Variants in BCAS3 observed in about 807,000 individuals in gnomAD.
BCAS3 encodes the protein BCAS4/BCAS3 fusion.
Under a neutral mutation model 116.1 loss-of-function variants are expected in BCAS3, and 53 were observed. The observed-to-expected ratio is 0.46, with a 90% CI of 0.37 to 0.57. BCAS3 has a LOEUF of 0.57. Ranked by LOEUF, BCAS3 falls within the 20% of genes least tolerant of loss-of-function variation. BCAS3 has a pLI of 0.00. For synonymous variants in BCAS3, 391 were observed against 408.2 expected (o/e 0.96, Z 0.51); for missense variants, 917 against 1,165.4 (o/e 0.79, Z 3.10).
intron 9 of BCAS3, among the ~76,000 whole-genome samples, chr17:60,876,710 G>C (rs1260234147): frequency 6.6e-6 from 1 of 151,976 alleles, no homozygotes; most frequent in Non-Finnish European, 1.5e-5. Context: ...CACCGTTTTG[G>C]AATGCTTTTG....
At chr17:61,109,608 A>G (rs1217817301) in intron 22 of BCAS3, among the ~76,000 whole-genome samples, 1 of 152,146 alleles carries the variant, frequency 6.6e-6, no homozygotes, top group East Asian at 1.9e-4. Context: ...GCCAACATCT[A>G]TTATTTTTTA....
chr17:61,373,676 G>C (rs552452200), intron 23 of BCAS3, among the ~76,000 whole-genome samples: 14 of 142,000 alleles, frequency 9.9e-5, no homozygotes, highest in African/African-American at 3.6e-4. Context: ...TCGAACTCCT[G>C]GCCTCAAGTG....
At chr17:60,902,040 A>G (rs929366179) in intron 10 of BCAS3, among the ~76,000 whole-genome samples, 2 of 152,240 alleles carry the variant, frequency 1.3e-5, no homozygotes, top group Non-Finnish European at 2.9e-5. Flanking sequence ...AGTCACAAAT[A>G]AGGATATGTC....
chr17:60,888,446 A>G (rs2056891643), intron 9 of BCAS3, among the ~76,000 whole-genome samples: 1 of 152,176 alleles, frequency 6.6e-6, no homozygotes, highest in Non-Finnish European at 1.5e-5. Context: ...GATCATATTT[A>G]TCCTCATTTC....
chr17:60,727,212 C>A, intron 5 of BCAS3: 2 of 938,966 alleles, frequency 2.1e-6, no homozygotes, highest in South Asian at 2.7e-5. Flanking sequence ...CCTCCCGGTT[C>A]AAAATGCTTA....
chr17:61,291,571 T>A (rs1383775589), intron 22 of BCAS3, among the ~76,000 whole-genome samples: 1 of 152,258 alleles, frequency 6.6e-6, no homozygotes, highest in Non-Finnish European at 1.5e-5. Flanking sequence ...TTTGCTGTGC[T>A]TCCCATCCAA....
At chr17:61,070,575 T>A (rs1370293901) in intron 19 of BCAS3, among the ~76,000 whole-genome samples, 2 of 151,720 alleles carry the variant, frequency 1.3e-5, no homozygotes, top group African/African-American at 4.8e-5. Context: ...TATAAGAATG[T>A]ATTAGTACAA....
In BCAS3 at chr17:61,056,776, C is replaced by G. The variant is rs750194106; in HGVS notation, c.2029+15884C>G. ...ATTAAGTGATGTACTACTGCATGCTCTCAGATATTGAGACACAGAGGTGTT... is the reference window on the plus strand; with the variant it reads ...ATTAAGTGATGTACTACTGCATGCTGTCAGATATTGAGACACAGAGGTGTT... On this transcript the variant is annotated intron_variant, in intron 19 of 23. Coordinates refer to ENST00000407086, the MANE Select transcript of BCAS3 (RefSeq NM_017679.5). This position sits in a 1 kb window ranked among gnomAD's most constrained non-coding sequence, Gnocchi z 4.9. 6.6e-6 allele frequency among the ~76,000 whole-genome samples: 1 copy of G among 152,332 alleles called. No individual in the cohort carries two copies.
At chr17:60,817,350 A>G (rs1482653156) in intron 7 of BCAS3, among the ~76,000 whole-genome samples, 1 of 152,242 alleles carries the variant, frequency 6.6e-6, no homozygotes, top group Admixed American at 6.5e-5. Context: ...TATGCTAAAC[A>G]GTTCCCAGAA....
intron 10 of BCAS3, among the ~76,000 whole-genome samples, chr17:60,900,694 G>T (rs1263099842): frequency 6.6e-6 from 1 of 151,398 alleles, no homozygotes; most frequent in Non-Finnish European, 1.5e-5. Flanking sequence ...ATGCTCTTTG[G>T]CAAACTGCTT....
Position 61,037,866 on chromosome 17 carries a change from G to A in BCAS3, c.1763-23G>A, listed in dbSNP as rs147536180. The A allele has an allele frequency of 1.4e-5, 22 of 1,606,602 alleles. No individual in the cohort carries two copies. Among genetic ancestry groups the A allele is most frequent in the Middle Eastern group, 3.4e-4 (2 of 5,828 alleles). On this transcript the variant is annotated intron_variant, in intron 17 of 23. Coordinates refer to ENST00000407086, the MANE Select transcript of BCAS3 (RefSeq NM_017679.5). The surrounding 1 kb of genome is among the most constrained non-coding windows in gnomAD (Gnocchi z 4.7). ...TCCATTTATGCCATCATAACACATC[G>A]GGTTCTGTTTCTCTGTTTGTAGATC...
chr17:60,968,449 A>T (rs1474103469), intron 14 of BCAS3, among the ~76,000 whole-genome samples: 1 of 152,112 alleles, frequency 6.6e-6, no homozygotes, highest in African/African-American at 2.4e-5. Flanking sequence ...CCTGCCTGTC[A>T]CAAACTCCTG....
intron 22 of BCAS3, among the ~76,000 whole-genome samples, chr17:61,296,660 C>A (rs551034824): frequency 7.0e-4 from 106 of 152,110 alleles, no homozygotes; most frequent in African/African-American, 2.5e-3. Flanking sequence ...TTTATTTATT[C>A]AACAGAAATT....
rs2051301617 is a variant in BCAS3 at position 61,282,217 on chromosome 17, C to T, written c.2426-86110C>T. Among the ~76,000 whole-genome samples, 1 of 152,134 alleles carries T rather than the reference C, an allele frequency of 6.6e-6. No individual in the cohort carries two copies. The highest frequency in any genetic ancestry group is 2.4e-5 in the African/African-American group (1 of 41,424). ...TTTATTATTTTTCTCCCTAATTGGT[C>T]TCAGGTTTGAAATAAAATTTGTCTC... On this transcript the variant is annotated intron_variant, in intron 22 of 23. Coordinates refer to ENST00000407086, the MANE Select transcript of BCAS3 (RefSeq NM_017679.5). This position sits in a 1 kb window ranked among gnomAD's most constrained non-coding sequence, Gnocchi z 5.9.
intron 11 of BCAS3, among the ~76,000 whole-genome samples, chr17:60,906,369 T>A (rs1216105323): frequency 6.6e-6 from 1 of 152,204 alleles, no homozygotes. Context: ...TGAGTGAAGT[T>A]CACCTGCAAT....
intron 22 of BCAS3, among the ~76,000 whole-genome samples, chr17:61,092,504 G>A (rs993465100): frequency 5.3e-5 from 8 of 152,142 alleles, no homozygotes; most frequent in East Asian, 1.9e-4. Context: ...ATGCATGAGC[G>A]TTCCAGTTGC....
At position 61,021,720 on chromosome 17, in the gene BCAS3, G is replaced by T. The variant is rs1032418755; in HGVS notation, c.1637+5819G>T. Among the ~76,000 whole-genome samples, 1 of 152,156 alleles carries T rather than the reference G, an allele frequency of 6.6e-6. No homozygotes were observed. The highest frequency in any genetic ancestry group is 1.5e-5 in the Non-Finnish European group (1 of 68,044). The stretch of plus-strand genomic sequence containing the variant: ...TGCTTTTAAATGATATTAAATGGAA[G>T]CATTAAATAGCATTTATTCAGACAC... On this transcript the variant is annotated intron_variant, in intron 16 of 23. Transcript: ENST00000407086. This position sits in a 1 kb window ranked among gnomAD's most constrained non-coding sequence, Gnocchi z 4.6.
rs769997716 is a variant in BCAS3 at position 61,380,520 on chromosome 17, G to A, written c.2594-11457G>A. On this transcript the variant is annotated intron_variant, in intron 23 of 23. Coordinates refer to ENST00000407086, the MANE Select transcript of BCAS3 (RefSeq NM_017679.5). This position sits in a 1 kb window ranked among gnomAD's most constrained non-coding sequence, Gnocchi z 4.2. ...TTTCAATACAGACACAGCCCTTGAC[G>A]TAGCAGTAAAAACCTTCCCCCCTGA... 23 of 1,597,928 alleles carry A rather than the reference G, an allele frequency of 1.4e-5. No homozygotes were observed. Among genetic ancestry groups the A allele is most frequent in the African/African-American group, 2.7e-5 (2 of 74,920 alleles).
intron 12 of BCAS3, among the ~76,000 whole-genome samples, chr17:60,913,053 T>G (rs1328648433): frequency 2.0e-5 from 3 of 152,224 alleles, no homozygotes; most frequent in African/African-American, 7.2e-5. Flanking sequence ...TTTTTTTCTT[T>G]AAGTTCATTA....
Sources: allele counts gnomAD v4.1 joint callset (sites outside exome capture counted in the v4.1 genomes callset), GRCh38; gene constraint gnomAD v4.1.1; non-coding constraint Gnocchi (gnomAD v3.1); transcripts MANE v1.5; gene names NCBI Gene and HGNC (gene_info 2026-07-23, HGNC 2026-07-21).